KCNQ5: variants seen among roughly 807,000 people sequenced by gnomAD.
KCNQ5 encodes the protein potassium voltage-gated channel subfamily Q member 5, also known as potassium voltage-gated channel subfamily KQT member 5.
In KCNQ5, 30 loss-of-function variants were observed where a neutral mutation model predicts 98.2. That is an observed-to-expected ratio of 0.31 (90% CI 0.23 to 0.41). KCNQ5 has a LOEUF of 0.41. Ranked by LOEUF, KCNQ5 falls within the 10% of genes least tolerant of loss-of-function variation. The pLI, the probability that KCNQ5 is intolerant of heterozygous loss-of-function variation, is 1.00. For synonymous variants in KCNQ5, 458 were observed against 449.4 expected (o/e 1.02, Z -0.24); for missense variants, 835 against 1,182.5 (o/e 0.71, Z 4.31).
intron 3 of KCNQ5, among the ~76,000 whole-genome samples, chr6:73,067,239 G>A (rs1426801003): frequency 6.6e-6 from 1 of 152,070 alleles, no homozygotes; most frequent in Non-Finnish European, 1.5e-5. Flanking sequence ...AAGTGCTCTG[G>A]AAACAGAAAT....
intron 1 of KCNQ5, among the ~76,000 whole-genome samples, chr6:72,915,356 T>G (rs1780090150): frequency 6.6e-6 from 1 of 152,080 alleles, no homozygotes; most frequent in Non-Finnish European, 1.5e-5. Flanking sequence ...TTCAAGGATA[T>G]TTTGCCTCTT....
At chr6:73,055,995 C>A in intron 3 of KCNQ5, 1 of 387,112 alleles carries the variant, frequency 2.6e-6, no homozygotes, top group Non-Finnish European at 5.0e-6. Flanking sequence ...TTCATTTTAG[C>A]CATTTTGTCT....
chr6:73,011,370 A>G (rs1317849748), intron 2 of KCNQ5, among the ~76,000 whole-genome samples: 4 of 152,134 alleles, frequency 2.6e-5, no homozygotes, highest in Admixed American at 2.6e-4. Context: ...ATTTTTGACC[A>G]TTCAGTGGGG....
At chr6:72,750,013 TA>T in intron 1 of KCNQ5, among the ~76,000 whole-genome samples, 1 of 152,244 alleles carries the variant, frequency 6.6e-6, no homozygotes, top group East Asian at 1.9e-4. Flanking sequence ...GGAATGCAAG[TA>T]ACAGGGAATT....
intron 2 of KCNQ5, among the ~76,000 whole-genome samples, chr6:73,010,276 C>T (rs935000982): frequency 6.6e-6 from 1 of 151,702 alleles, no homozygotes; most frequent in Non-Finnish European, 1.5e-5. Flanking sequence ...CAATTGAAGC[C>T]AGAAAAAACA....
chr6:72,822,597 GT>G (rs1411948717), intron 1 of KCNQ5, among the ~76,000 whole-genome samples: 3 of 151,930 alleles, frequency 2.0e-5, no homozygotes, highest in Non-Finnish European at 4.4e-5. Flanking sequence ...CTGTCTCTTT[GT>G]TTTTTTCTTA....
At chr6:73,171,206 TA>T (rs946171176) in intron 11 of KCNQ5, among the ~76,000 whole-genome samples, 3 of 150,640 alleles carry the variant, frequency 2.0e-5, no homozygotes, top group African/African-American at 4.9e-5. Context: ...AGCAGCAGCC[TA>T]AAAAAAAACA....
chr6:72,637,811 A>G (rs1179941027), intron 1 of KCNQ5, among the ~76,000 whole-genome samples: 1 of 152,202 alleles, frequency 6.6e-6, no homozygotes, highest in Non-Finnish European at 1.5e-5. Context: ...AGGATCCTGA[A>G]CCCAAGGAGC....
chr6:72,860,729 A>G (rs542774460), intron 1 of KCNQ5, among the ~76,000 whole-genome samples: 1 of 152,174 alleles, frequency 6.6e-6, no homozygotes, highest in South Asian at 2.1e-4. Context: ...CTTCCAAAGC[A>G]TTACTGTATT....
At chr6:72,897,752 TAAGG>T (rs1779309226) in intron 1 of KCNQ5, among the ~76,000 whole-genome samples, 1 of 151,678 alleles carries the variant, frequency 6.6e-6, no homozygotes, top group African/African-American at 2.4e-5. Context: ...GCCCTAGAAG[TAAGG>T]AAGGGAGGAC....
intron 5 of KCNQ5, among the ~76,000 whole-genome samples, chr6:73,089,497 G>A (rs1774143285): frequency 6.6e-6 from 1 of 151,956 alleles, no homozygotes; most frequent in African/African-American, 2.4e-5. Context: ...TGAGATTTTG[G>A]TGCACCCATC....
At chr6:73,100,695 A>G (rs1172772780) in intron 5 of KCNQ5, among the ~76,000 whole-genome samples, 1 of 151,862 alleles carries the variant, frequency 6.6e-6, no homozygotes, top group African/African-American at 2.4e-5. Context: ...AAAGATAAAC[A>G]AAAGAAAAAG....
chr6:72,944,724 T>C (rs1347657333), intron 1 of KCNQ5, among the ~76,000 whole-genome samples: 1 of 152,152 alleles, frequency 6.6e-6, no homozygotes, highest in African/African-American at 2.4e-5. Flanking sequence ...CTGAAAAACC[T>C]GCCACCAACC....
intron 1 of KCNQ5, among the ~76,000 whole-genome samples, chr6:72,642,171 T>TA (rs1765353138): frequency 6.7e-6 from 1 of 149,524 alleles, no homozygotes; most frequent in South Asian, 2.2e-4. Context: ...AAGAGCGTGT[T>TA]AAAAAGGCCT....
intron 2 of KCNQ5, among the ~76,000 whole-genome samples, chr6:73,034,845 T>C (rs867519911): frequency 0.14 from 19,135 of 137,076 alleles, 813 homozygotes; most frequent in East Asian, 0.39. Context: ...TTTTCTTTTT[T>C]TTTTTTTTTT....
intron 1 of KCNQ5, among the ~76,000 whole-genome samples, chr6:72,977,478 A>T (rs1173835282): frequency 6.6e-6 from 1 of 152,216 alleles, no homozygotes; most frequent in African/African-American, 2.4e-5. Flanking sequence ...ATGAGTCTGG[A>T]TGTGATAGCA....
At chr6:73,120,686 C>G (rs1190361291) in intron 8 of KCNQ5, 109 bp downstream of exon 8, 2 of 610,476 alleles carry the variant, frequency 3.3e-6, no homozygotes, top group Non-Finnish European at 5.6e-6. Flanking sequence ...TTCTCTTATT[C>G]TCTGTTGCTC....
At chr6:72,624,638 C>T (rs1312066185) in intron 1 of KCNQ5, among the ~76,000 whole-genome samples, 1 of 152,218 alleles carries the variant, frequency 6.6e-6, no homozygotes, top group African/African-American at 2.4e-5. Flanking sequence ...CTTTATCAGT[C>T]TAGCAGTATC....
chr6:72,921,490 A>G lies in KCNQ5; in HGVS notation c.399-82418A>G, dbSNP rs138183920. Among the ~76,000 whole-genome samples the G allele has an allele frequency of 1.0e-3, 153 of 152,322 alleles. 1 individual carries two copies. The highest frequency in any genetic ancestry group is 3.3e-3 in the African/African-American group (138 of 41,576). ...GTGGCAAAGAGCAAGATAGTGGTGTACTGGGGAGTTTTGGGGAGTAGACAG... is the reference window on the plus strand; with the variant it reads ...GTGGCAAAGAGCAAGATAGTGGTGTGCTGGGGAGTTTTGGGGAGTAGACAG... On this transcript the variant is annotated intron_variant, in intron 1 of 13. Coordinates refer to ENST00000370398, the MANE Select transcript of KCNQ5 (RefSeq NM_019842.4).
Sources: allele counts gnomAD v4.1 joint callset (sites outside exome capture counted in the v4.1 genomes callset), GRCh38; gene constraint gnomAD v4.1.1; transcripts MANE v1.5; gene names NCBI Gene and HGNC (gene_info 2026-07-23, HGNC 2026-07-21).